Variants in PALM2AKAP2 observed in about 807,000 individuals in gnomAD.
PALM2AKAP2 encodes the protein PALM2 and AKAP2 fusion, also known as PALM2-AKAP2 fusion protein.
In PALM2AKAP2, 37 loss-of-function variants were observed where a neutral mutation model predicts 71.5. The ratio of observed to expected loss-of-function variants is 0.52; its 90% CI spans 0.40 to 0.68. The LOEUF (loss-of-function observed/expected upper bound fraction) is 0.68. PALM2AKAP2 is among the 30% of genes least tolerant of loss of function. The pLI, the probability that PALM2AKAP2 is intolerant of heterozygous loss-of-function variation, is 0.00. For synonymous variants in PALM2AKAP2, 468 were observed against 478.8 expected, an observed-to-expected ratio of 0.98 and a Z score of 0.29; for missense variants, 1,224 against 1,191.8, an observed-to-expected ratio of 1.03 and a Z score of -0.40.
At chr9:109,719,812 C>G (rs1828379358) in intron 1 of PALM2AKAP2, among the ~76,000 whole-genome samples, 1 of 152,078 alleles carries the variant, frequency 6.6e-6, no homozygotes, top group Non-Finnish European at 1.5e-5. Flanking sequence ...CTTCCTAGAT[C>G]CTCCAAGGGC....
intron 7 of PALM2AKAP2, among the ~76,000 whole-genome samples, chr9:110,026,269 G>C (rs761716546): frequency 5.9e-5 from 9 of 151,910 alleles, no homozygotes; most frequent in Non-Finnish European, 1.0e-4. Context: ...TGTAGAGAAG[G>C]AGGACTCCCT....
chr9:109,789,564 G>T (rs1827054402), intron 1 of PALM2AKAP2, among the ~76,000 whole-genome samples: 1 of 152,118 alleles, frequency 6.6e-6, no homozygotes, highest in Admixed American at 6.5e-5. Flanking sequence ...TTTTTGGAAG[G>T]ATTCTGCCTC....
intron 1 of PALM2AKAP2, among the ~76,000 whole-genome samples, chr9:109,737,551 A>G (rs1354566071): frequency 6.6e-6 from 1 of 152,240 alleles, no homozygotes; most frequent in Non-Finnish European, 1.5e-5. Flanking sequence ...GCCACAGATG[A>G]AAAGAAGCAA....
At chr9:110,137,224 A>G (rs1382353746) in exon 2 of PALM2AKAP2, 2 of 1,614,074 alleles carry the variant, frequency 1.2e-6, no homozygotes, top group Non-Finnish European at 1.7e-6. Context: ...CTCGCAAACA[A>G]TTTCAGCTGA....
intron 1 of PALM2AKAP2, among the ~76,000 whole-genome samples, chr9:109,665,202 AT>A (rs1827462549): frequency 6.6e-6 from 1 of 152,172 alleles, no homozygotes; most frequent in Non-Finnish European, 1.5e-5. Context: ...CGTCAAAGTC[AT>A]TCTCCGTCCA....
chr9:109,676,532 C>T (rs1827651514), intron 1 of PALM2AKAP2, among the ~76,000 whole-genome samples: 1 of 152,114 alleles, frequency 6.6e-6, no homozygotes, highest in Non-Finnish European at 1.5e-5. Context: ...CATATAGAAT[C>T]AGGTGAAATT....
At chr9:109,672,247 G>C (rs987042646) in intron 1 of PALM2AKAP2, among the ~76,000 whole-genome samples, 5 of 152,114 alleles carry the variant, frequency 3.3e-5, no homozygotes, top group African/African-American at 9.7e-5. Context: ...GTTTGTCATA[G>C]ATGGCTCTTA....
At chr9:109,804,722 T>G (rs2131413071) in intron 1 of PALM2AKAP2, among the ~76,000 whole-genome samples, 1 of 152,332 alleles carries the variant, frequency 6.6e-6, no homozygotes, top group African/African-American at 2.4e-5. Flanking sequence ...TGATTTTTCC[T>G]TTAGACCTTC....
chr9:109,891,133 C>A (rs1830079167), intron 3 of PALM2AKAP2, among the ~76,000 whole-genome samples: 2 of 152,200 alleles, frequency 1.3e-5, no homozygotes, highest in Admixed American at 6.5e-5. Flanking sequence ...CAGATTCTAG[C>A]TGGAAGGATC....
intron 1 of PALM2AKAP2, among the ~76,000 whole-genome samples, chr9:110,105,526 T>C (rs2118901927): frequency 1.3e-5 from 2 of 152,336 alleles, no homozygotes; most frequent in East Asian, 3.9e-4. Context: ...GCATACTGTA[T>C]ATATGTCATT....
At chr9:109,821,704 A>G (rs878963339) in intron 1 of PALM2AKAP2, among the ~76,000 whole-genome samples, 1 of 152,180 alleles carries the variant, frequency 6.6e-6, no homozygotes, top group African/African-American at 2.4e-5. Flanking sequence ...TCCTCTGGCT[A>G]GTAAGGGACT....
At chr9:109,873,915 A>G (rs1378174937) in intron 2 of PALM2AKAP2, among the ~76,000 whole-genome samples, 15 of 152,234 alleles carry the variant, frequency 9.9e-5, no homozygotes, top group Admixed American at 9.8e-4. Context: ...CTGAGGTGGG[A>G]GGATCATTTG....
At chr9:110,031,427 A>G (rs1172312008) in intron 7 of PALM2AKAP2, among the ~76,000 whole-genome samples, 1 of 152,032 alleles carries the variant, frequency 6.6e-6, no homozygotes, top group East Asian at 1.9e-4. Context: ...ACTGCACCCC[A>G]CCAGAGTGTG....
At chr9:110,042,116 G>A (rs971902145) in intron 7 of PALM2AKAP2, among the ~76,000 whole-genome samples, 2 of 152,144 alleles carry the variant, frequency 1.3e-5, no homozygotes, top group Admixed American at 6.5e-5. Flanking sequence ...TGTGCATTCC[G>A]AAAGTTGATG....
At chr9:110,077,303 A>T (rs1461191786) in intron 1 of PALM2AKAP2, among the ~76,000 whole-genome samples, 1 of 152,210 alleles carries the variant, frequency 6.6e-6, no homozygotes. Flanking sequence ...AGCCTTTAGC[A>T]TGTTACTTGG....
chr9:109,909,459 A>G (rs1830522536), intron 3 of PALM2AKAP2, among the ~76,000 whole-genome samples: 1 of 152,212 alleles, frequency 6.6e-6, no homozygotes, highest in Admixed American at 6.5e-5. Flanking sequence ...TACTCAACCA[A>G]CACTTACTGA....
chr9:109,805,697 T>C (rs1827553351), intron 1 of PALM2AKAP2, among the ~76,000 whole-genome samples: 1 of 152,214 alleles, frequency 6.6e-6, no homozygotes, highest in Non-Finnish European at 1.5e-5. Context: ...TTTCCCAAGA[T>C]GCAGCGACTG....
chr9:110,053,542 A>G (rs888067775), intron 1 of PALM2AKAP2, among the ~76,000 whole-genome samples: 24 of 151,050 alleles, frequency 1.6e-4, no homozygotes, highest in Admixed American at 2.0e-4. Context: ...AAAAAAAAAA[A>G]AAAAAAGAAA....
At chr9:109,804,533 G>A (rs4571801) in intron 1 of PALM2AKAP2, among the ~76,000 whole-genome samples, 1,630 of 152,202 alleles carry the variant, frequency 0.011, 23 homozygotes, top group African/African-American at 0.037. Flanking sequence ...CGGTAGTAAC[G>A]AAATCAAGCA....
Sources: gnomAD v4.1 joint callset for allele counts (sites outside exome capture counted in the v4.1 genomes callset) on GRCh38, gnomAD v4.1.1 for gene constraint, MANE v1.5 for transcripts, NCBI Gene and HGNC (gene_info 2026-07-23, HGNC 2026-07-21) for gene names.